LRIF1: variants seen among roughly 807,000 people sequenced by gnomAD.
LRIF1 encodes the protein ligand dependent nuclear receptor interacting factor 1.
LRIF1 carries 32 observed loss-of-function variants against 52.7 expected under a neutral mutation model. The ratio of observed to expected loss-of-function variants is 0.61; its 90% CI spans 0.46 to 0.82. The LOEUF (loss-of-function observed/expected upper bound fraction) is 0.82. LRIF1 is among the 40% of genes least tolerant of loss of function. The pLI is 0.00. For synonymous variants in LRIF1, 323 were observed against 317.4 expected (o/e 1.02, Z -0.19); for missense variants, 887 against 892.0 (o/e 0.99, Z 0.07).
chr1:110,951,974 G>T lies in LRIF1; in HGVS notation c.910C>A (p.Leu304Ile), dbSNP rs757358603. The T allele has an allele frequency of 6.2e-7, 1 of 1,614,164 alleles. No homozygotes were observed. Among genetic ancestry groups the T allele is most frequent in the Non-Finnish European group, 8.5e-7 (1 of 1,180,020 alleles). ...TTATTTGAAGACTTAACAGGAACAA[G>T]AGATGGCGTAAAAGGCTGTAGATTA... The part of the protein sequence containing the change: ...QDNLQPFTPS[L>I]VPVKSSNNVA... Residue 304 changes from leucine (L) to isoleucine (I), a missense_variant, in exon 2 of 4, where the codon CTT becomes ATT. By Grantham distance (5) the Leu-to-Ile change is conservative (BLOSUM62 2). Coordinates refer to ENST00000369763, the MANE Select transcript of LRIF1 (RefSeq NM_018372.4).
At chr1:110,953,122 T>G (rs936143986) in intron 1 of LRIF1, among the ~76,000 whole-genome samples, 5 of 152,144 alleles carry the variant, frequency 3.3e-5, no homozygotes, top group African/African-American at 1.2e-4. Flanking sequence ...TCTTAAAATA[T>G]TAGCATCCTC....
the LRIF1 span, among the ~76,000 whole-genome samples, chr1:110,918,617 G>T: frequency 6.6e-6 from 1 of 152,268 alleles, no homozygotes; most frequent in Non-Finnish European, 1.5e-5. Context: ...CACCTTAGAA[G>T]AATGGACAAC....
chr1:110,886,862 TATA>T, the LRIF1 span, among the ~76,000 whole-genome samples: 18 of 77,026 alleles, frequency 2.3e-4, no homozygotes, highest in East Asian at 3.0e-3. Context: ...TATATATATA[TATA>T]TATATTTTTT....
At chr1:110,955,872 A>G (rs1240673102) in intron 1 of LRIF1, among the ~76,000 whole-genome samples, 1 of 152,218 alleles carries the variant, frequency 6.6e-6, no homozygotes, top group Non-Finnish European at 1.5e-5. Context: ...GAAACTGGTA[A>G]TAAAGGAACA....
chr1:110,952,926 T>C, intron 1 of LRIF1, 111 bp from the exon 2 acceptor site: 1 of 639,742 alleles, frequency 1.6e-6, no homozygotes, highest in Non-Finnish European at 2.2e-6. Flanking sequence ...TATATAATTT[T>C]CCATTTTGAG....
At chr1:110,887,643 G>C in the LRIF1 span, among the ~76,000 whole-genome samples, 1 of 152,202 alleles carries the variant, frequency 6.6e-6, no homozygotes, top group Admixed American at 6.5e-5. Context: ...ACAGTGTTCA[G>C]TCTAGAGCTA....
chr1:110,901,535 G>A, the LRIF1 span, among the ~76,000 whole-genome samples: 73 of 146,090 alleles, frequency 5.0e-4, no homozygotes, highest in African/African-American at 1.8e-3. Flanking sequence ...GGAGTGCAGA[G>A]GCCTGATCTT....
chr1:110,951,211 A>T, intron 2 of LRIF1, 77 bp downstream of exon 2: 1 of 1,181,038 alleles, frequency 8.5e-7, no homozygotes, highest in Non-Finnish European at 1.2e-6. Flanking sequence ...GAGGTATCAT[A>T]GATAACTTTG....
chr1:110,904,360 C>T, the LRIF1 span, among the ~76,000 whole-genome samples: 1 of 152,180 alleles, frequency 6.6e-6, no homozygotes, highest in Non-Finnish European at 1.5e-5. Flanking sequence ...TGACCCAGCA[C>T]AGTCATAGTG....
chr1:110,875,893 A>G, the LRIF1 span, among the ~76,000 whole-genome samples: 1 of 152,216 alleles, frequency 6.6e-6, no homozygotes, highest in Non-Finnish European at 1.5e-5. Context: ...AAGGCCAGGA[A>G]TCTCTATACT....
the LRIF1 span, among the ~76,000 whole-genome samples, chr1:110,917,237 T>C: frequency 2.6e-5 from 4 of 152,236 alleles, no homozygotes; most frequent in Admixed American, 6.5e-5. Flanking sequence ...TGTGTCCTCA[T>C]AGATTCCAAC....
At chr1:110,944,333 G>C (rs966291856), downstream of LRIF1, 1 of 152,142 alleles carries the variant, frequency 6.6e-6, no homozygotes. Context: ...TTTGAGGGAA[G>C]AGCAAGATTT....
chr1:110,963,733 C>A lies in LRIF1; in HGVS notation c.-45G>T. 4 of 1,503,266 alleles carry A rather than the reference C, an allele frequency of 2.7e-6. No individual in the cohort carries two copies. Among genetic ancestry groups the A allele is most frequent in the African/African-American group, 1.4e-5 (1 of 72,968 alleles). 93.1% of individuals were successfully genotyped at this position (1,503,266 alleles called of 1,614,324 possible). On this transcript the variant is annotated 5_prime_UTR_variant, in exon 1 of 4. Coordinates refer to ENST00000369763, the MANE Select transcript of LRIF1 (RefSeq NM_018372.4). ...ACACCTCATCCAGAAAAGTGGGAAG[C>A]GTGGGGCCGAGTTTCCCAATGGGGC...
chr1:110,897,933 G>C, the LRIF1 span: 1 of 1,127,986 alleles, frequency 8.9e-7, no homozygotes, highest in Non-Finnish European at 1.3e-6. Flanking sequence ...GATTACATGA[G>C]TTAAGTCAGG....
the LRIF1 span, among the ~76,000 whole-genome samples, chr1:110,886,308 T>C: frequency 2.0e-5 from 3 of 152,202 alleles, no homozygotes; most frequent in South Asian, 4.1e-4. Context: ...GTTCCTTGAG[T>C]ACTTTGATTA....
chr1:110,944,500 AAG>A (rs1461229555), downstream of LRIF1: 1 of 152,234 alleles, frequency 6.6e-6, no homozygotes, highest in Non-Finnish European at 1.5e-5. Context: ...TGAGATCACC[AAG>A]AGAGTGAGTA....
At chr1:110,931,642 A>G in the LRIF1 span, among the ~76,000 whole-genome samples, 11 of 152,314 alleles carry the variant, frequency 7.2e-5, no homozygotes, top group Non-Finnish European at 1.3e-4. Flanking sequence ...CCTCTCCAGT[A>G]TCTGTTGTTT....
chr1:110,884,167 A>G, the LRIF1 span, among the ~76,000 whole-genome samples: 1 of 152,088 alleles, frequency 6.6e-6, no homozygotes, highest in African/African-American at 2.4e-5. Context: ...AATTCACCCC[A>G]AAATATTGCT....
In LRIF1 at chr1:110,948,008, T is replaced by G; in HGVS notation, c.2261A>C (p.Glu754Ala). ...KIRRLKQVLR[E>A]KEAALEEMRK... is the part of the protein sequence containing the mutation. ...CATTTCTTCAAGAGCTGCTTCTTTC[T>G]CTCTCAGCACCTGCTTAAGTCTTCT... Residue 754 changes from glutamate to alanine, a missense_variant, in exon 4 of 4, where the codon GAG becomes GCG. Physicochemically the swap from Glu to Ala is moderately radical, Grantham distance 107. Transcript: ENST00000369763. The G allele has an allele frequency of 6.3e-7, 1 of 1,599,186 alleles. No individual in the cohort carries two copies. Among genetic ancestry groups the G allele is most frequent in the Non-Finnish European group, 8.5e-7 (1 of 1,174,542 alleles).
Sources: gnomAD v4.1 joint callset for allele counts (sites outside exome capture counted in the v4.1 genomes callset) on GRCh38, gnomAD v4.1.1 for gene constraint, MANE v1.5 for transcripts, NCBI Gene and HGNC (gene_info 2026-07-23, HGNC 2026-07-21) for gene names.